C16orf95: variants seen among roughly 807,000 people sequenced by gnomAD.
C16orf95 encodes uncharacterized protein C16orf95.
A neutral mutation model predicts 32.1 loss-of-function variants in C16orf95; 41 were observed. The observed-to-expected ratio is 1.28, with a 90% confidence interval of 1.00 to 1.66. The LOEUF is 1.66. C16orf95 is among the 40% of genes most tolerant of loss of function. The pLI is 0.00. For synonymous variants in C16orf95, 147 were observed against 128.9 expected, an observed-to-expected ratio of 1.14 and a Z score of -0.95; for missense variants, 399 against 325.9, an observed-to-expected ratio of 1.22 and a Z score of -1.73.
intron 1 of C16orf95, 142 bp downstream of exon 1, chr16:87,316,948 GT>G: frequency 1.5e-6 from 2 of 1,312,422 alleles, no homozygotes; most frequent in African/African-American, 1.5e-5. Context: ...CATCAGTTGC[GT>G]TTTTGTTAAG....
rs185262470 is a variant in C16orf95 at position 87,315,780 on chromosome 16, G to T, written c.196C>A (p.Arg66Ser). ...GGATTTGCTTTCCTTACCGAATGAC[G>T]GGGGAGGCACACTTCTTTCTTGTAG... is the stretch of plus-strand genomic sequence containing the variant. Reference protein sequence around the residue: ...QTYKKEVCLPRHSMHPGPWAI... With the variant: ...QTYKKEVCLPSHSMHPGPWAI... The change falls in exon 2 of 7, where the codon CGT becomes AGT. Residue 66 changes from arginine to serine, a missense_variant. Physicochemically the swap from Arg to Ser is moderately radical, Grantham distance 110. Transcript: ENST00000567970. 6.5e-7 allele frequency: 1 copy of T among 1,529,680 alleles called. No homozygotes were observed. Among genetic ancestry groups the T allele is most frequent in the Non-Finnish European group, 8.7e-7 (1 of 1,143,490 alleles). 94.8% of individuals were successfully genotyped at this position (1,529,680 alleles called of 1,614,324 possible).
chr16:87,305,898 C>T lies in C16orf95; in HGVS notation c.522G>A (p.Leu174=), dbSNP rs1597342170. 2 of 1,425,748 alleles carry T rather than the reference C, an allele frequency of 1.4e-6. No homozygotes were observed. 88.3% of individuals were successfully genotyped at this position (1,425,748 alleles called of 1,614,324 possible). Residue 174 remains leucine (L), a synonymous_variant, in exon 6 of 7, where the codon CTG becomes CTA. Coordinates refer to ENST00000567970, the MANE Select transcript of C16orf95 (RefSeq NM_001195124.3). The surrounding 1 kb of genome is among the most constrained non-coding windows in gnomAD (Gnocchi z 4.2). ...QQSLKGIQAP[L]LDACCWHNCW... ...AGTTGTGCCAGCAGCATGCATCCAG[C>T]AGGGGTGCTAGGCAAAGAAAAGGTG...
Position 87,305,136 on chromosome 16 carries a change from C to T in C16orf95, c.701+583G>A, listed in dbSNP as rs1910954617. Among the ~76,000 whole-genome samples, 1 of 152,202 alleles carries T rather than the reference C, an allele frequency of 6.6e-6. No individual in the cohort carries two copies. The highest frequency in any genetic ancestry group is 2.4e-5 in the African/African-American group (1 of 41,464). ...GCTGTTCCCCGAAGCCCAGCTGTGG[C>T]CCGGGGAGTGGCCCCGGAGGCTTCC... On this transcript the variant is annotated intron_variant, in intron 6 of 6. Coordinates refer to ENST00000567970, the MANE Select transcript of C16orf95 (RefSeq NM_001195124.3). This position sits in a 1 kb window ranked among gnomAD's most constrained non-coding sequence, Gnocchi z 4.2.
intron 6 of C16orf95, among the ~76,000 whole-genome samples, chr16:87,304,297 C>T (rs912825054): frequency 6.6e-6 from 1 of 152,238 alleles, no homozygotes; most frequent in South Asian, 2.1e-4. Flanking sequence ...GTGTAGGCCA[C>T]CACACCTTGC....
At chr16:87,316,414 T>C (rs1259429402) in intron 1 of C16orf95, among the ~76,000 whole-genome samples, 1 of 152,202 alleles carries the variant, frequency 6.6e-6, no homozygotes, top group Non-Finnish European at 1.5e-5. Context: ...AAAGCCCTGC[T>C]TCCCTGACAG....
chr16:87,310,250 C>G (rs1274200928), intron 5 of C16orf95, 47 bp downstream of exon 5: 15 of 1,531,602 alleles, frequency 9.8e-6, no homozygotes, highest in Non-Finnish European at 1.3e-5. Flanking sequence ...CGAACCCCAC[C>G]TTTCTGGGGA....
chr16:87,309,372 C>CTTTTTTTTTTTTTTTTTTTTTTTTTTT, intron 5 of C16orf95, among the ~76,000 whole-genome samples: 1 of 86,074 alleles, frequency 1.2e-5, no homozygotes, highest in Non-Finnish European at 2.0e-5. Flanking sequence ...TCTTTCTTTT[C>CTTTTTTTTTTTTTTTTTTTTTTTTTTT]TTTTTTTTTT....
At chr16:87,309,399 T>TTTTTTTTTTTTTTTTTG (rs1911179317) in intron 5 of C16orf95, among the ~76,000 whole-genome samples, 2 of 112,096 alleles carry the variant, frequency 1.8e-5, no homozygotes, top group African/African-American at 5.9e-5. Context: ...TTTTTTTTTT[T>TTTTTTTTTTTTTTTTTG]TGTAGACAGA....
chr16:87,308,846 T>A (rs1398749374), intron 5 of C16orf95, among the ~76,000 whole-genome samples: 1 of 152,252 alleles, frequency 6.6e-6, no homozygotes, highest in East Asian at 1.9e-4. Context: ...AGTGGAAGGT[T>A]TGCTCAACTT....
At position 87,317,100 on chromosome 16, in the gene C16orf95, T is replaced by G; in HGVS notation, c.143A>C (p.Gln48Pro). 1 of 1,525,184 alleles carries G rather than the reference T, an allele frequency of 6.6e-7. No individual in the cohort carries two copies. The highest frequency in any genetic ancestry group is 8.8e-7 in the Non-Finnish European group (1 of 1,140,554). 94.5% of individuals were successfully genotyped at this position (1,525,184 alleles called of 1,614,324 possible). Residue 48 changes from glutamine to proline, a missense_variant, in exon 1 of 7, where the codon CAG becomes CCG. Transcript: ENST00000567970. ...TTCAGGACTCACTTGCCTGCCATCCTGCGCGCTGGGTGTGAGTGCCAACCT... is the reference window on the plus strand; with the variant it reads ...TTCAGGACTCACTTGCCTGCCATCCGGCGCGCTGGGTGTGAGTGCCAACCT... ...LCRLALTPSA[Q>P]DGRNSTFQTY...
chr16:87,317,063 C>A (rs1013718799), intron 1 of C16orf95, 28 bp downstream of exon 1: 57 of 1,481,310 alleles, frequency 3.8e-5, no homozygotes, highest in Non-Finnish European at 5.0e-5. Flanking sequence ...TGTCGGGTAG[C>A]CGCGGGCAGG....
rs1349202380 is a variant in C16orf95 at position 87,315,802 on chromosome 16, G to A, written c.174C>T (p.Tyr58=). 8.5e-6 allele frequency: 13 copies of A among 1,531,046 alleles called. No individual in the cohort carries two copies. Among genetic ancestry groups the A allele is most frequent in the Admixed American group, 4.0e-5 (2 of 50,380 alleles). 94.8% of individuals were successfully genotyped at this position (1,531,046 alleles called of 1,614,324 possible). ...GACGGGGGAGGCACACTTCTTTCTT[G>A]TAGGTTTGAAATGTGCTATTCCTAG... The part of the protein sequence containing the change: ...QDGRNSTFQT[Y]KKEVCLPRHS... The change falls in exon 2 of 7, where the codon TAC becomes TAT. Residue 58 remains tyrosine (Y), a synonymous_variant. Coordinates refer to ENST00000567970, the MANE Select transcript of C16orf95 (RefSeq NM_001195124.3).
At chr16:87,314,825 GAAAATAAAT>G (rs1211083187) in intron 3 of C16orf95, 137 bp downstream of exon 3, 3 of 853,402 alleles carry the variant, frequency 3.5e-6, no homozygotes, top group African/African-American at 1.7e-5. Context: ...CATCTGACAT[GAAAATAAAT>G]AAATAAATAA....
At chr16:87,309,319 A>G (rs928555851) in intron 5 of C16orf95, among the ~76,000 whole-genome samples, 5 of 149,690 alleles carry the variant, frequency 3.3e-5, no homozygotes, top group African/African-American at 1.2e-4. Flanking sequence ...ACTGAAATCC[A>G]TACATTGTTT....
chr16:87,307,469 TA>T (rs34724081), intron 5 of C16orf95, among the ~76,000 whole-genome samples: 77,449 of 151,988 alleles, frequency 0.51, 20,442 homozygotes, highest in Non-Finnish European at 0.6. Context: ...AATTAAAAGA[TA>T]AAAATAGGCC....
intron 5 of C16orf95, among the ~76,000 whole-genome samples, chr16:87,309,924 T>C (rs776083908): frequency 1.8e-4 from 28 of 152,138 alleles, no homozygotes; most frequent in Non-Finnish European, 3.4e-4. Context: ...AGGGTACACA[T>C]AGGAATATGT....
At chr16:87,306,420 C>T (rs1653862228) in intron 5 of C16orf95, among the ~76,000 whole-genome samples, 1 of 152,158 alleles carries the variant, frequency 6.6e-6, no homozygotes, top group South Asian at 2.1e-4. Context: ...GTCTGGTCAG[C>T]ATGTGATCCT....
intron 5 of C16orf95, among the ~76,000 whole-genome samples, chr16:87,309,372 C>CTTTTTTTTTTTTTTTTTTTTTTTTTT (rs10551847): frequency 3.5e-5 from 3 of 86,072 alleles, no homozygotes; most frequent in African/African-American, 5.9e-5. Context: ...TCTTTCTTTT[C>CTTTTTTTTTTTTTTTTTTTTTTTTTT]TTTTTTTTTT....
intron 1 of C16orf95, among the ~76,000 whole-genome samples, chr16:87,316,274 T>C (rs531165185): frequency 6.6e-5 from 10 of 152,168 alleles, no homozygotes; most frequent in Non-Finnish European, 1.2e-4. Flanking sequence ...CCTTCCACTA[T>C]AAAAACCCGG....
Sources: gnomAD v4.1 joint callset for allele counts (sites outside exome capture counted in the v4.1 genomes callset) on GRCh38, gnomAD v4.1.1 for gene constraint, Gnocchi (gnomAD v3.1) non-coding constraint, MANE v1.5 for transcripts, NCBI Gene and HGNC (gene_info 2026-07-23, HGNC 2026-07-21) for gene names.